The following PJA2 variants were observed in gnomAD, a reference collection of about 807,000 sequenced individuals.
The protein encoded by PJA2 is praja ring finger ubiquitin ligase 2.
PJA2 carries 25 observed loss-of-function variants against 69.3 expected under a neutral mutation model. The ratio of observed to expected loss-of-function variants is 0.36; its 90% confidence interval spans 0.26 to 0.50. The LOEUF (loss-of-function observed/expected upper bound fraction) is 0.50, where lower values mean the gene tolerates loss of function less well. Among genes scored for constraint, PJA2 ranks in the 20% least tolerant of loss-of-function variants. The pLI is 0.96. For missense variants in PJA2, 809 were observed against 830.2 expected (o/e 0.97, Z 0.31); for synonymous variants, 308 against 277.8 (o/e 1.11, Z -1.08).
At chr5:109,354,261 T>TATCTA (rs1762356378) in intron 7 of PJA2, among the ~76,000 whole-genome samples, 1 of 149,334 alleles carries the variant, frequency 6.7e-6, no homozygotes, top group Non-Finnish European at 1.5e-5. Flanking sequence ...ATATCTATGA[T>TATCTA]GTCTAGAGAT....
At chr5:109,363,159 T>C (rs1762529107) in intron 5 of PJA2, 137 bp from the exon 6 acceptor site, 1 of 660,612 alleles carries the variant, frequency 1.5e-6, no homozygotes, top group Non-Finnish European at 2.3e-6. Flanking sequence ...AAAAACTGTC[T>C]TCCTTAACTG....
chr5:109,388,311 TGCCCTAGTGCATTACCCTTCA>T (rs1291925096), intron 1 of PJA2, among the ~76,000 whole-genome samples: 2 of 152,144 alleles, frequency 1.3e-5, no homozygotes, highest in African/African-American at 4.8e-5. Flanking sequence ...GAAAGGGTAA[TGCCCTAGTGCATTACCCTTCA>T]GATGACTGCA....
At chr5:109,349,931 A>G (rs1044134918) in intron 7 of PJA2, among the ~76,000 whole-genome samples, 14 of 152,180 alleles carry the variant, frequency 9.2e-5, no homozygotes, top group African/African-American at 1.9e-4. Flanking sequence ...TCACATAGCT[A>G]TAATTATGAA....
chr5:109,382,851 A>T (rs1270763001), intron 2 of PJA2, among the ~76,000 whole-genome samples: 1 of 152,026 alleles, frequency 6.6e-6, no homozygotes, highest in Non-Finnish European at 1.5e-5. Context: ...CCATCTCAAA[A>T]AAAAAAAAAA....
intron 1 of PJA2, among the ~76,000 whole-genome samples, chr5:109,394,604 G>T (rs1747366209): frequency 6.6e-6 from 1 of 152,142 alleles, no homozygotes; most frequent in African/African-American, 2.4e-5. Context: ...TTTAATCACT[G>T]TGTTAGCAAC....
intron 1 of PJA2, among the ~76,000 whole-genome samples, chr5:109,396,570 G>A (rs1747417129): frequency 6.6e-6 from 1 of 151,424 alleles, no homozygotes; most frequent in South Asian, 2.1e-4. Flanking sequence ...GGGATTACAG[G>A]CATGCGCCAC....
At chr5:109,388,750 G>C (rs1011052386) in intron 1 of PJA2, among the ~76,000 whole-genome samples, 1 of 152,088 alleles carries the variant, frequency 6.6e-6, no homozygotes, top group African/African-American at 2.4e-5. Context: ...AAGTCCATTA[G>C]AATATTTTTT....
Position 109,381,711 on chromosome 5 carries a change from A to G in PJA2, c.32-8T>C, listed in dbSNP as rs1363259093. 7 of 1,611,944 alleles carry G rather than the reference A, an allele frequency of 4.3e-6. No individual in the cohort carries two copies. The Admixed American group carries it at 1.2e-4, about 27-fold the overall frequency. On this transcript the variant is annotated splice_region_variant and splice_polypyrimidine_tract_variant and intron_variant, in intron 2 of 9. Transcript: ENST00000361189. The stretch of plus-strand genomic sequence containing the variant: ...CAGATTCTTGGTCCATTGCTGAAAA[A>G]AAAGTTAAAAAATTAAAACAGGAAC...
intron 5 of PJA2, among the ~76,000 whole-genome samples, chr5:109,364,622 C>CAAAAAAAAA (rs200663624): frequency 2.4e-4 from 15 of 61,872 alleles, no homozygotes; most frequent in African/African-American, 8.2e-4. Context: ...GACTCTGTCT[C>CAAAAAAAAA]AAAAAAAAAA....
At chr5:109,342,510 C>G in intron 9 of PJA2, among the ~76,000 whole-genome samples, 1 of 120,622 alleles carries the variant, frequency 8.3e-6, no homozygotes, top group African/African-American at 3.6e-5. Context: ...GCCACCCCGT[C>G]CGGGAGGGAG....
At chr5:109,345,180 T>TAAAAA (rs60910860) in intron 7 of PJA2, among the ~76,000 whole-genome samples, 5 of 103,980 alleles carry the variant, frequency 4.8e-5, no homozygotes, top group African/African-American at 1.5e-4. Context: ...CCGTCTCTAG[T>TAAAAA]AAAAAAAAAA....
intron 7 of PJA2, among the ~76,000 whole-genome samples, chr5:109,353,171 A>AGATATCTATATATTAGATATCT (rs1371633467): frequency 5.2e-5 from 3 of 57,490 alleles, no homozygotes; most frequent in African/African-American, 3.2e-4. Flanking sequence ...AGATATCTAT[A>AGATATCTATATATTAGATATCT]ATATCTATAG....
chr5:109,350,243 C>T (rs1762228519), intron 7 of PJA2, among the ~76,000 whole-genome samples: 1 of 149,942 alleles, frequency 6.7e-6, no homozygotes, highest in Non-Finnish European at 1.5e-5. Flanking sequence ...GCAACACAAG[C>T]AAAAGATAGC....
intron 1 of PJA2, among the ~76,000 whole-genome samples, chr5:109,405,511 TTATAAGTAAAAATAACCATGATAACTCAG>T (rs1405053008): frequency 6.6e-6 from 1 of 152,212 alleles, no homozygotes; most frequent in East Asian, 1.9e-4. Context: ...ATTTCAATAC[TTATAAGTAAAAATAACCATGATAACTCAG>T]TACTGGCAAA....
At chr5:109,377,057 G>C (rs781003171) in intron 4 of PJA2, among the ~76,000 whole-genome samples, 13 of 152,010 alleles carry the variant, frequency 8.6e-5, no homozygotes, top group Non-Finnish European at 1.5e-4. Flanking sequence ...CTTAAAAACA[G>C]TATATCATAC....
intron 1 of PJA2, among the ~76,000 whole-genome samples, chr5:109,395,996 A>C: frequency 7.8e-6 from 1 of 128,392 alleles, no homozygotes; most frequent in Non-Finnish European, 1.8e-5. Context: ...GCGAAACTCT[A>C]TCTCAAAAAA....
At chr5:109,353,989 A>ATCTAT (rs528937868) in intron 7 of PJA2, among the ~76,000 whole-genome samples, 21 of 78,136 alleles carry the variant, frequency 2.7e-4, no homozygotes, top group Admixed American at 8.1e-4. Flanking sequence ...TAGATTAGAT[A>ATCTAT]GATATCTAGA....
At chr5:109,371,140 T>A (rs1287196245) in intron 4 of PJA2, among the ~76,000 whole-genome samples, 3 of 152,132 alleles carry the variant, frequency 2.0e-5, no homozygotes, top group Non-Finnish European at 4.4e-5. Context: ...ATATTTACCA[T>A]CAGCTCCTTT....
Position 109,354,370 on chromosome 5 carries a change from T to G in PJA2, c.1764+1545A>C, listed in dbSNP as rs868136164. Among the ~76,000 whole-genome samples, 21 of 139,082 alleles carry G rather than the reference T, an allele frequency of 1.5e-4. 1 individual carries two copies. Among genetic ancestry groups the G allele is most frequent in the Admixed American group, 9.2e-4 (13 of 14,196 alleles). The allele number at this position is 139,082 out of a possible 152,430, so 91.2% of individuals were successfully genotyped here. On this transcript the variant is annotated intron_variant, in intron 7 of 9. Coordinates refer to ENST00000361189, the MANE Select transcript of PJA2 (RefSeq NM_014819.5). ...TAGATTGGATATCTATATCTAGAGA[T>G]ATCTATAGATTAGATATCTCTGATA...
Sources: gnomAD v4.1 joint callset for allele counts (sites outside exome capture counted in the v4.1 genomes callset) on GRCh38, gnomAD v4.1.1 for gene constraint, MANE v1.5 for transcripts, NCBI Gene and HGNC (gene_info 2026-07-23, HGNC 2026-07-21) for gene names.